CHRM3: variants seen among roughly 807,000 people sequenced by gnomAD.
The protein encoded by CHRM3 is muscarinic acetylcholine receptor M3.
A neutral mutation model predicts 41.8 loss-of-function variants in CHRM3; 11 were observed. The ratio of observed to expected loss-of-function variants is 0.26; its 90% CI spans 0.17 to 0.44. The LOEUF (loss-of-function observed/expected upper bound fraction) is 0.44, where lower values mean the gene tolerates loss of function less well. Among genes scored for constraint, CHRM3 ranks in the 20% least tolerant of loss-of-function variants. The pLI, the probability that CHRM3 is intolerant of heterozygous loss-of-function variation, is 1.00. For missense variants in CHRM3, 571 were observed against 745.4 expected (o/e 0.77, Z 2.72); for synonymous variants, 297 against 301.4 (o/e 0.99, Z 0.15).
intron 5 of CHRM3, among the ~76,000 whole-genome samples, chr1:239,741,169 A>G (rs1664814729): frequency 6.6e-6 from 1 of 152,196 alleles, no homozygotes; most frequent in South Asian, 2.1e-4. Context: ...GGGAACCTTC[A>G]GAAGAGGAGA....
chr1:239,877,890 CTTTT>C (rs576152253), intron 6 of CHRM3, among the ~76,000 whole-genome samples: 2 of 139,000 alleles, frequency 1.4e-5, no homozygotes, highest in Non-Finnish European at 3.1e-5. Flanking sequence ...TTATTTCTTT[CTTTT>C]TTTTTTTTTT....
intron 4 of CHRM3, among the ~76,000 whole-genome samples, chr1:239,665,124 T>G (rs887424484): frequency 6.6e-6 from 1 of 151,014 alleles, no homozygotes; most frequent in Non-Finnish European, 1.5e-5. Flanking sequence ...GCCTGATTTC[T>G]TATGCTGGCA....
At position 239,784,696 on chromosome 1, in the gene CHRM3, TTC is replaced by T. The variant is rs567857768; in HGVS notation, c.-146-42554_-146-42553del. 1.1e-4 allele frequency among the ~76,000 whole-genome samples: 17 copies of T among 152,308 alleles called. No homozygotes were observed. In the East Asian group the frequency reaches 3.3e-3, roughly 29 times the overall value. ...GAAGTTTTGATTTTACCTTTATTTA[TTC>T]TTTTTCTAACGCTTTTCCTTTTTAT... On this transcript the variant is annotated intron_variant, in intron 5 of 6. Coordinates refer to ENST00000676153, the MANE Select transcript of CHRM3 (RefSeq NM_001375978.1).
chr1:239,453,973 A>G (rs1012277329), intron 1 of CHRM3, among the ~76,000 whole-genome samples: 9 of 152,190 alleles, frequency 5.9e-5, no homozygotes, highest in Admixed American at 2.0e-4. Flanking sequence ...GGAAGTGTAT[A>G]ATAGTAGGAA....
intron 5 of CHRM3, among the ~76,000 whole-genome samples, chr1:239,807,847 T>TAC (rs376416140): frequency 0.01 from 1,442 of 138,082 alleles, 11 homozygotes; most frequent in African/African-American, 0.025. Context: ...CACACACACA[T>TAC]ACACACACAC....
At chr1:239,609,403 A>G (rs1666738553) in intron 3 of CHRM3, among the ~76,000 whole-genome samples, 1 of 152,154 alleles carries the variant, frequency 6.6e-6, no homozygotes, top group Non-Finnish European at 1.5e-5. Context: ...TCACCTCCAT[A>G]GACAGTTGGC....
At chr1:239,416,278 C>G (rs141418280) in intron 1 of CHRM3, among the ~76,000 whole-genome samples, 1 of 151,832 alleles carries the variant, frequency 6.6e-6, no homozygotes, top group East Asian at 1.9e-4. Context: ...CATATACTAT[C>G]GATACAGGAA....
chr1:239,775,620 A>T (rs970551637), intron 5 of CHRM3, among the ~76,000 whole-genome samples: 1 of 152,202 alleles, frequency 6.6e-6, no homozygotes, highest in African/African-American at 2.4e-5. Flanking sequence ...AGGGAGTTTG[A>T]TCAAGATTCC....
chr1:239,702,630 A>T (rs542445300), intron 5 of CHRM3, among the ~76,000 whole-genome samples: 65 of 152,344 alleles, frequency 4.3e-4, no homozygotes, highest in Non-Finnish European at 3.5e-4. Context: ...TTCTTCAGAC[A>T]GAGTCTCACT....
intron 3 of CHRM3, among the ~76,000 whole-genome samples, chr1:239,549,835 G>A (rs1004260666): frequency 2.0e-5 from 3 of 151,948 alleles, no homozygotes; most frequent in African/African-American, 4.8e-5. Flanking sequence ...GAAGTCTAAT[G>A]TAATTTGGAG....
rs1409796585 is a variant in CHRM3 at position 239,627,870 on chromosome 1, C to T, written c.-312-4354C>T. Reference sequence around the variant, plus strand: ...GCTTGTAAGGTTTCTGCCGAGAGATCCGCTGTTAGTCTGATGGGCTTTCCT... The same window carrying T: ...GCTTGTAAGGTTTCTGCCGAGAGATTCGCTGTTAGTCTGATGGGCTTTCCT... On this transcript the variant is annotated intron_variant, in intron 3 of 6. Coordinates refer to ENST00000676153, the MANE Select transcript of CHRM3 (RefSeq NM_001375978.1). Among the ~76,000 whole-genome samples the T allele has an allele frequency of 4.0e-5, 6 of 151,116 alleles. No individual in the cohort carries two copies. In the South Asian group the frequency reaches 1.3e-3, roughly 32 times the overall value.
intron 1 of CHRM3, among the ~76,000 whole-genome samples, chr1:239,400,740 T>C (rs1659897718): frequency 6.6e-6 from 1 of 152,222 alleles, no homozygotes; most frequent in African/African-American, 2.4e-5. Context: ...GGCATCTTTG[T>C]TGAAGATCAG....
intron 3 of CHRM3, among the ~76,000 whole-genome samples, chr1:239,565,521 G>C (rs1661268956): frequency 6.6e-6 from 1 of 152,094 alleles, no homozygotes; most frequent in South Asian, 2.1e-4. Flanking sequence ...GTGTTGTTCT[G>C]TGCTAATTAA....
chr1:239,407,763 G>A (rs1338381896), intron 1 of CHRM3, among the ~76,000 whole-genome samples: 1 of 151,706 alleles, frequency 6.6e-6, no homozygotes, highest in Non-Finnish European at 1.5e-5. Context: ...AGAAGTAGAT[G>A]AGAGAGAACC....
At chr1:239,530,063 A>G (rs1445060304) in intron 2 of CHRM3, among the ~76,000 whole-genome samples, 1 of 151,850 alleles carries the variant, frequency 6.6e-6, no homozygotes, top group African/African-American at 2.4e-5. Flanking sequence ...ATGCCCAGCT[A>G]ATTTTTTCTT....
intron 6 of CHRM3, among the ~76,000 whole-genome samples, chr1:239,894,188 G>A (rs1218378942): frequency 6.6e-6 from 1 of 152,176 alleles, no homozygotes; most frequent in Non-Finnish European, 1.5e-5. Flanking sequence ...GACAGATTTG[G>A]AAACTCAATA....
At chr1:239,675,503 G>A (rs1020532581) in intron 4 of CHRM3, among the ~76,000 whole-genome samples, 2 of 152,126 alleles carry the variant, frequency 1.3e-5, no homozygotes, top group Non-Finnish European at 2.9e-5. Flanking sequence ...ACTGCCATTT[G>A]GATTTTGTCT....
At chr1:239,477,503 G>A (rs1666546763) in intron 1 of CHRM3, among the ~76,000 whole-genome samples, 1 of 152,206 alleles carries the variant, frequency 6.6e-6, no homozygotes, top group Non-Finnish European at 1.5e-5. Context: ...TTTGATCTCA[G>A]AGAAGCAGCA....
intron 1 of CHRM3, among the ~76,000 whole-genome samples, chr1:239,398,513 C>A (rs1659690728): frequency 1.3e-5 from 2 of 152,140 alleles, no homozygotes; most frequent in Non-Finnish European, 2.9e-5. Flanking sequence ...GCTGGGATTA[C>A]AGGCATGAGC....
Sources: gnomAD v4.1 joint callset for allele counts (sites outside exome capture counted in the v4.1 genomes callset) on GRCh38, gnomAD v4.1.1 for gene constraint, MANE v1.5 for transcripts, NCBI Gene and HGNC (gene_info 2026-07-23, HGNC 2026-07-21) for gene names.